Variants in CETP observed in about 807,000 individuals in gnomAD.
CETP encodes cholesteryl ester transfer protein, also known as BPI fold containing family F.
Under a neutral mutation model 66.5 loss-of-function variants are expected in CETP, and 56 were observed. That is an observed-to-expected ratio of 0.84 (90% CI 0.68 to 1.05). CETP has a LOEUF of 1.05. CETP is among the 50% of genes least tolerant of loss of function. CETP has a pLI of 0.00. For synonymous variants in CETP, 251 were observed against 245.7 expected (o/e 1.02, Z -0.20); for missense variants, 612 against 609.6 (o/e 1.00, Z -0.04).
At chr16:56,974,534 G>T (rs2056136029) in intron 9 of CETP, among the ~76,000 whole-genome samples, 2 of 152,198 alleles carry the variant, frequency 1.3e-5, no homozygotes, top group African/African-American at 4.8e-5. Flanking sequence ...GTGATCAATA[G>T]ATTTAGGTAT....
intron 2 of CETP, 152 bp downstream of exon 2, chr16:56,963,276 C>T (rs994561222): frequency 1.5e-6 from 1 of 677,642 alleles, no homozygotes. Context: ...ACCTTCCCTA[C>T]CCCCACCCTC....
intron 9 of CETP, 134 bp from the exon 10 acceptor site, chr16:56,974,967 A>G: frequency 1.3e-6 from 1 of 770,100 alleles, no homozygotes; most frequent in Non-Finnish European, 2.3e-6. Flanking sequence ...AGCATCTCAC[A>G]TGTTGTCTGG....
chr16:56,963,823 C>T (rs2056044042), intron 2 of CETP, among the ~76,000 whole-genome samples: 1 of 151,814 alleles, frequency 6.6e-6, no homozygotes, highest in African/African-American at 2.4e-5. Context: ...CACACGTCAC[C>T]ACATCCGCGT....
chr16:56,971,681 T>C (rs1289826004), intron 7 of CETP, among the ~76,000 whole-genome samples: 2 of 152,164 alleles, frequency 1.3e-5, no homozygotes, highest in African/African-American at 4.8e-5. Context: ...GATAATTAGA[T>C]TGCTCACATG....
intron 2 of CETP, among the ~76,000 whole-genome samples, chr16:56,963,349 G>C (rs2056039615): frequency 6.6e-6 from 1 of 152,332 alleles, no homozygotes; most frequent in African/African-American, 2.4e-5. Flanking sequence ...GCCCCTCTAA[G>C]AGTCAGGCTT....
Position 56,970,095 on chromosome 16 carries a change from G to A in CETP, c.527+94G>A, listed in dbSNP as rs548545514. ...CCAGGCTCAACCCCACACAGGGCAT[G>A]CTTGTGGGTGGCCAAACCTGAGGGC... On this transcript the variant is annotated intron_variant, in intron 5 of 15. Transcript: ENST00000200676. 93 of 1,249,596 alleles carry A rather than the reference G, an allele frequency of 7.4e-5. No individual in the cohort carries two copies. The African/African-American group carries it at 1.1e-3, about 15-fold the overall frequency. The allele number at this position is 1,249,596 out of a possible 1,614,324, so 77.4% of individuals were successfully genotyped here. A position where few individuals can be genotyped will look rare whatever the true frequency, so the allele number is the denominator to read the frequency against.
At chr16:56,975,672 G>A (rs2056144304) in intron 10 of CETP, among the ~76,000 whole-genome samples, 1 of 152,168 alleles carries the variant, frequency 6.6e-6, no homozygotes, top group South Asian at 2.1e-4. Context: ...AAGAACCCAT[G>A]ATCTCCTACC....
rs2056205656 is a variant in CETP, at chr16:56,983,781, G to A, written c.*115G>A. On this transcript the variant is annotated 3_prime_UTR_variant, in exon 16 of 16. Transcript: ENST00000200676. ...GAAGTTGGGTTAGGAGTACGGAGATGGAGATTGGCTCCCAACTCCTCCCTA... is the reference window on the plus strand; with the variant it reads ...GAAGTTGGGTTAGGAGTACGGAGATAGAGATTGGCTCCCAACTCCTCCCTA... 1.0e-6 allele frequency: 1 copy of A among 981,496 alleles called. No individual in the cohort carries two copies. Among genetic ancestry groups the A allele is most frequent in the Non-Finnish European group, 1.6e-6 (1 of 610,756 alleles). 60.8% of individuals were successfully genotyped at this position (981,496 alleles called of 1,614,324 possible).
intron 11 of CETP, among the ~76,000 whole-genome samples, chr16:56,979,555 G>C (rs2056173644): frequency 6.7e-6 from 1 of 150,298 alleles, no homozygotes; most frequent in African/African-American, 2.5e-5. Flanking sequence ...CTGTCACCCA[G>C]GCTGGAGTGC....
Position 56,983,408 on chromosome 16 carries a change from A to T in CETP, c.1404A>T (p.Arg468=). 1 of 1,614,120 alleles carries T rather than the reference A, an allele frequency of 6.2e-7. No individual in the cohort carries two copies. The highest frequency in any genetic ancestry group is 8.5e-7 in the Non-Finnish European group (1 of 1,179,970). The change falls in exon 15 of 16, where the codon CGA becomes CGT. Residue 468 remains arginine, a synonymous_variant. Coordinates refer to ENST00000200676, the MANE Select transcript of CETP (RefSeq NM_000078.3). ...FDIINPEIIT[R]DGFLLLQMDF... is the part of the protein sequence containing the mutation. ...TCATCAACCCTGAGATTATCACTCG[A>T]GATGTGAGTACAAAGCCCCCCTCAC...
At chr16:56,977,700 T>C (rs1420761548) in intron 10 of CETP, among the ~76,000 whole-genome samples, 1 of 151,924 alleles carries the variant, frequency 6.6e-6, no homozygotes, top group Non-Finnish European at 1.5e-5. Context: ...CCTCGGAGGG[T>C]TACCATGCAG....
chr16:56,980,764 A>C (rs1412775204), intron 11 of CETP, among the ~76,000 whole-genome samples: 1 of 152,130 alleles, frequency 6.6e-6, no homozygotes, highest in African/African-American at 2.4e-5. Context: ...TCTACTAAAA[A>C]TACAAAAATT....
At chr16:56,973,221 C>T (rs2056125418) in intron 8 of CETP, 110 bp from the exon 9 acceptor site, 1 of 1,143,058 alleles carries the variant, frequency 8.7e-7, no homozygotes, top group Non-Finnish European at 1.3e-6. Flanking sequence ...TCCTCAGTTT[C>T]CCCATCTGCA....
chr16:56,967,271 A>G (rs1211711536), intron 2 of CETP, among the ~76,000 whole-genome samples: 1 of 151,880 alleles, frequency 6.6e-6, no homozygotes, highest in Non-Finnish European at 1.5e-5. Flanking sequence ...CACTGAACCC[A>G]GGAGGTGGAG....
At chr16:56,979,605 G>A (rs1378654039) in intron 11 of CETP, among the ~76,000 whole-genome samples, 1 of 151,682 alleles carries the variant, frequency 6.6e-6, no homozygotes, top group Non-Finnish European at 1.5e-5. Flanking sequence ...CCACCTTCCT[G>A]GTTCAAGCGA....
At chr16:56,976,496 G>C (rs1851834755) in intron 10 of CETP, among the ~76,000 whole-genome samples, 2 of 150,116 alleles carry the variant, frequency 1.3e-5, no homozygotes, top group Non-Finnish European at 3.0e-5. Flanking sequence ...TTTTAAGACA[G>C]AGTCTTGCTC....
In CETP at chr16:56,978,250, G is replaced by A. The variant is rs1567474927; in HGVS notation, c.1141G>A (p.Glu381Lys). ...GCAACATTCTGTAGCTTACACATTT[G>A]AAGAGGTGAGGCGGGTGCAGGGAGA... ...DQQHSVAYTF[E>K]EDIVTTVQAS... is the part of the protein sequence containing the mutation. Residue 381 changes from glutamate (E) to lysine (K), a missense_variant, in exon 11 of 16, where the codon GAA becomes AAA. Glu to Lys is a moderately conservative substitution (Grantham distance 56). Coordinates refer to ENST00000200676, the MANE Select transcript of CETP (RefSeq NM_000078.3). The A allele has an allele frequency of 1.2e-6, 2 of 1,614,058 alleles. No individual in the cohort carries two copies. The highest frequency in any genetic ancestry group is 1.7e-6 in the Non-Finnish European group (2 of 1,180,044).
In CETP at chr16:56,962,367, C is replaced by T. The variant is rs5030708; in HGVS notation, c.118+270C>T. 14,495 of 686,174 alleles carry T rather than the reference C, an allele frequency of 0.021. 235 individuals carry two copies. Among genetic ancestry groups the T allele is most frequent in the Non-Finnish European group, 0.031 (11,461 of 367,366 alleles). The allele number at this position is 686,174 out of a possible 1,614,324, so 42.5% of individuals were successfully genotyped here. On this transcript the variant is annotated intron_variant, in intron 1 of 15. Coordinates refer to ENST00000200676, the MANE Select transcript of CETP (RefSeq NM_000078.3). ...TGTGTTTGTCTGAGACCCAGAATCA[C>T]TGGGGTTCGAGTTAGGGTTCAGATC... is the stretch of plus-strand genomic sequence containing the variant.
At chr16:56,962,467 T>G in intron 1 of CETP, 1 of 484,482 alleles carries the variant, frequency 2.1e-6, no homozygotes, top group Non-Finnish European at 4.1e-6. Flanking sequence ...GGGGTCACTC[T>G]ATGGCCAAAG....
Sources: allele counts gnomAD v4.1 joint callset (sites outside exome capture counted in the v4.1 genomes callset), GRCh38; gene constraint gnomAD v4.1.1; transcripts MANE v1.5; gene names NCBI Gene and HGNC (gene_info 2026-07-23, HGNC 2026-07-21).